Variants in REV3L observed in about 807,000 individuals in gnomAD.
REV3L encodes the protein DNA polymerase zeta catalytic subunit.
In REV3L, 69 loss-of-function variants were observed where a neutral mutation model predicts 299.4. That is an observed-to-expected ratio of 0.23 (90% confidence interval 0.19 to 0.28). The LOEUF (loss-of-function observed/expected upper bound fraction) is 0.28, where lower values mean the gene tolerates loss of function less well. Ranked by LOEUF, REV3L falls within the 10% of genes least tolerant of loss-of-function variation. REV3L has a pLI of 1.00. For synonymous variants in REV3L, 1,238 were observed against 1,271.4 expected, an observed-to-expected ratio of 0.97 and a Z score of 0.56; for missense variants, 3,128 against 3,693.8, an observed-to-expected ratio of 0.85 and a Z score of 3.97.
chr6:111,372,955 T>C lies in REV3L; in HGVS notation c.5400A>G (p.Gln1800=). The C allele has an allele frequency of 3.7e-6, 6 of 1,614,158 alleles. No homozygotes were observed. Among genetic ancestry groups the C allele is most frequent in the African/African-American group, 1.3e-5 (1 of 75,048 alleles). ...LPQPNNSDWI[Q]GHTRKEMGQS... is the part of the protein sequence containing the mutation. Reference sequence around the variant, plus strand: ...GTCCCATTTCTTTTCTGGTGTGACCTTGAATCCAGTCTGAATTGTTTGGCT... The same window carrying C: ...GTCCCATTTCTTTTCTGGTGTGACCCTGAATCCAGTCTGAATTGTTTGGCT... Residue 1800 remains glutamine (Q), a synonymous_variant, in exon 13 of 32, where the codon CAA becomes CAG. Transcript: ENST00000368802.
chr6:111,405,412 C>A, intron 4 of REV3L, 58 bp downstream of exon 4: 1 of 1,251,226 alleles, frequency 8.0e-7, no homozygotes, highest in Non-Finnish European at 1.1e-6. Flanking sequence ...GACTATATAA[C>A]ACTTGTTTCA....
At chr6:111,315,784 G>A (rs948002667) in intron 26 of REV3L, 1 of 182,446 alleles carries the variant, frequency 5.5e-6, no homozygotes, top group African/African-American at 2.3e-5. Flanking sequence ...ATAGGAGCAT[G>A]AACCCTATTG....
intron 25 of REV3L, among the ~76,000 whole-genome samples, chr6:111,323,961 T>C (rs1774471514): frequency 6.6e-6 from 1 of 152,150 alleles, no homozygotes; most frequent in African/African-American, 2.4e-5. Context: ...ATAAAACTAG[T>C]AGTAGAAACG....
At chr6:111,353,849 T>G (rs1272706947) in intron 18 of REV3L, 1 of 152,258 alleles carries the variant, frequency 6.6e-6, no homozygotes, top group Non-Finnish European at 1.5e-5. Flanking sequence ...TAAACTCTTC[T>G]TAGTCCAAAG....
intron 16 of REV3L, among the ~76,000 whole-genome samples, chr6:111,363,367 G>A (rs370125274): frequency 3.3e-5 from 5 of 151,972 alleles, no homozygotes; most frequent in South Asian, 2.1e-4. Flanking sequence ...GTGTAGTGGC[G>A]CAATCACAGC....
intron 22 of REV3L, among the ~76,000 whole-genome samples, 155 bp downstream of exon 22, chr6:111,335,314 G>C (rs1775797081): frequency 6.6e-6 from 1 of 152,108 alleles, no homozygotes; most frequent in Admixed American, 6.5e-5. Context: ...CCGGAAAGTT[G>C]GCATAGAAAG....
At chr6:111,384,453 T>C (rs190355538) in intron 9 of REV3L, among the ~76,000 whole-genome samples, 213 of 152,246 alleles carry the variant, frequency 1.4e-3, no homozygotes, top group Non-Finnish European at 2.1e-3. Context: ...AACAGACATT[T>C]CTCAAAAGAA....
intron 1 of REV3L, among the ~76,000 whole-genome samples, chr6:111,422,623 TATATATACAC>T (rs1785586104): frequency 1.3e-4 from 4 of 30,618 alleles, no homozygotes; most frequent in Admixed American, 3.6e-4. Flanking sequence ...CACATATATA[TATATATACAC>T]ATATATATAT....
At chr6:111,389,850 C>A (rs1331114974) in intron 6 of REV3L, among the ~76,000 whole-genome samples, 1 of 150,776 alleles carries the variant, frequency 6.6e-6, no homozygotes, top group East Asian at 2.0e-4. Flanking sequence ...GATTCCCCTG[C>A]CTCAGCCTCC....
intron 30 of REV3L, chr6:111,308,354 G>C (rs1394532811): frequency 4.6e-6 from 2 of 434,526 alleles, no homozygotes; most frequent in South Asian, 3.3e-5. Flanking sequence ...TCCTGCCTTA[G>C]AGCCAGGATA....
At chr6:111,380,270 TTG>T in intron 10 of REV3L, 51 bp from the exon 11 acceptor site, 1 of 1,356,254 alleles carries the variant, frequency 7.4e-7, no homozygotes, top group South Asian at 1.2e-5. Context: ...TTTTTTTTTT[TTG>T]ACACGGAGTC....
In REV3L at chr6:111,299,977, T is replaced by G. The variant is rs1405737963; in HGVS notation, c.*39A>C. ...TGCACAACAGTTTAGTGGTAAGCAC[T>G]GAAAAAAATAGCACCTGTAATACTG... On this transcript the variant is annotated 3_prime_UTR_variant, in exon 32 of 32. Coordinates refer to ENST00000368802, the MANE Select transcript of REV3L (RefSeq NM_001372078.1). The G allele has an allele frequency of 6.3e-7, 1 of 1,587,264 alleles. No homozygotes were observed. The highest frequency in any genetic ancestry group is 2.3e-5 in the East Asian group (1 of 44,354).
At chr6:111,325,018 C>G (rs1295345699) in intron 25 of REV3L, among the ~76,000 whole-genome samples, 1 of 152,066 alleles carries the variant, frequency 6.6e-6, no homozygotes, top group Non-Finnish European at 1.5e-5. Flanking sequence ...CCCGCCACTA[C>G]GCCCGGCTAA....
At chr6:111,355,148 CT>C (rs1314415234) in intron 18 of REV3L, among the ~76,000 whole-genome samples, 3 of 152,026 alleles carry the variant, frequency 2.0e-5, no homozygotes, top group Non-Finnish European at 4.4e-5. Flanking sequence ...TTTAATATCA[CT>C]TTATATTACT....
At chr6:111,432,283 A>C (rs1402362828) in intron 1 of REV3L, among the ~76,000 whole-genome samples, 25 of 152,232 alleles carry the variant, frequency 1.6e-4, no homozygotes, top group Admixed American at 6.5e-5. Context: ...ACAGATAAAG[A>C]AGCAAGAGTT....
chr6:111,469,296 G>T lies in REV3L; in HGVS notation c.139+13454C>A, dbSNP rs938110317. On this transcript the variant is annotated intron_variant, in intron 1 of 31. Transcript: ENST00000368802. ...TCAATAAATATTTGTTGAGTTGAAT[G>T]AAACTAAGAATAATGCTGAAGGATG... 3.3e-5 allele frequency among the ~76,000 whole-genome samples: 5 copies of T among 152,162 alleles called. 1 individual carries two copies. Among genetic ancestry groups the T allele is most frequent in the African/African-American group, 1.2e-4 (5 of 41,434 alleles).
intron 1 of REV3L, among the ~76,000 whole-genome samples, chr6:111,440,184 G>A (rs939474384): frequency 1.3e-4 from 19 of 151,786 alleles, no homozygotes; most frequent in Non-Finnish European, 1.6e-4. Flanking sequence ...TTCCTACCTC[G>A]GCCTCCCTCC....
chr6:111,351,434 T>C (rs893562676), intron 19 of REV3L, among the ~76,000 whole-genome samples: 1 of 152,136 alleles, frequency 6.6e-6, no homozygotes, highest in African/African-American at 2.4e-5. Flanking sequence ...CATATGTATA[T>C]GAAAAGTGAC....
Position 111,375,892 on chromosome 6 carries a change from T to C in REV3L, c.2463A>G (p.Leu821=). 1 of 1,614,064 alleles carries C rather than the reference T, an allele frequency of 6.2e-7. No homozygotes were observed. The highest frequency in any genetic ancestry group is 1.1e-5 in the South Asian group (1 of 91,080). The change falls in exon 13 of 32, where the codon TTA becomes TTG. Residue 821 remains leucine (L), a synonymous_variant. Transcript: ENST00000368802. Reference sequence around the variant, plus strand: ...ACCGGGATGGTTTATTGCCAGGTTGTAATTTATATGTGACAGGAGATAGTT... The same window carrying C: ...ACCGGGATGGTTTATTGCCAGGTTGCAATTTATATGTGACAGGAGATAGTT... ...PQKLSPVTYK[L]QPGNKPSRLK...
Sources: gnomAD v4.1 joint callset for allele counts (sites outside exome capture counted in the v4.1 genomes callset) on GRCh38, gnomAD v4.1.1 for gene constraint, MANE v1.5 for transcripts, NCBI Gene and HGNC (gene_info 2026-07-23, HGNC 2026-07-21) for gene names.